NCOA1: variants seen among roughly 807,000 people sequenced by gnomAD.
NCOA1 encodes the protein nuclear receptor coactivator 1.
Under a neutral mutation model 150.9 loss-of-function variants are expected in NCOA1, and 35 were observed. That is an observed-to-expected ratio of 0.23 (90% CI 0.18 to 0.31). The LOEUF (loss-of-function observed/expected upper bound fraction) is 0.31. Among genes scored for constraint, NCOA1 ranks in the 10% least tolerant of loss-of-function variants. The probability of loss-of-function intolerance (pLI) is 1.00; values close to 1 mark genes in which losing one functional copy is unlikely to be tolerated. For missense variants in NCOA1, 1,491 were observed against 1,749.3 expected (o/e 0.85, Z 2.63); for synonymous variants, 590 against 630.0 (o/e 0.94, Z 0.95).
At chr2:24,613,049 AT>A (rs1026417783) in intron 3 of NCOA1, among the ~76,000 whole-genome samples, 1 of 149,286 alleles carries the variant, frequency 6.7e-6, no homozygotes, top group Non-Finnish European at 1.5e-5. Context: ...TGCAGGTAGG[AT>A]TTTTTTCTTT....
chr2:24,758,946 G>A lies in NCOA1; in HGVS notation c.4065+790G>A, dbSNP rs540551052. On this transcript the variant is annotated intron_variant, in intron 21 of 22. Transcript: ENST00000348332. ...GAGGTTGCAGTGAGCTGGTAATTGC[G>A]CCACTGCACTCCAGCCTGGGCAACA... 8.5e-5 allele frequency among the ~76,000 whole-genome samples: 13 copies of A among 152,054 alleles called. No individual in the cohort carries two copies. The South Asian group carries it at 1.0e-3, about 12-fold the overall frequency.
chr2:24,690,864 A>T (rs1672638569), intron 8 of NCOA1, among the ~76,000 whole-genome samples: 1 of 152,090 alleles, frequency 6.6e-6, no homozygotes, highest in Non-Finnish European at 1.5e-5. Flanking sequence ...TTTACATAAT[A>T]ATATTGATTA....
At chr2:24,732,904 C>A (rs1173218803) in intron 17 of NCOA1, among the ~76,000 whole-genome samples, 2 of 151,532 alleles carry the variant, frequency 1.3e-5, no homozygotes, top group Non-Finnish European at 2.9e-5. Context: ...CACCCCATCC[C>A]CCGCCAAAAA....
intron 12 of NCOA1, 55 bp downstream of exon 12, chr2:24,705,288 T>C (rs955226245): frequency 3.9e-6 from 6 of 1,549,150 alleles, no homozygotes; most frequent in Non-Finnish European, 5.3e-6. Flanking sequence ...ATATCTCTTA[T>C]TAGAGAAATT....
chr2:24,734,062 A>T (rs1663161742), intron 17 of NCOA1, among the ~76,000 whole-genome samples: 1 of 151,582 alleles, frequency 6.6e-6, no homozygotes. Context: ...GCGTGTTCCC[A>T]GCTACTCAGG....
intron 3 of NCOA1, among the ~76,000 whole-genome samples, chr2:24,626,559 G>A (rs1305548526): frequency 1.3e-5 from 2 of 152,164 alleles, no homozygotes; most frequent in African/African-American, 2.4e-5. Context: ...TATGGTTGCT[G>A]GTGATAGCAG....
At chr2:24,768,185 C>T in intron 22 of NCOA1, 36 bp from the exon 23 acceptor site, 3 of 1,613,150 alleles carry the variant, frequency 1.9e-6, no homozygotes, top group Non-Finnish European at 2.5e-6. Context: ...GGGGGCAGAC[C>T]CTTCTGTCTA....
At position 24,624,290 on chromosome 2, in the gene NCOA1, G is replaced by A. The variant is rs183854685; in HGVS notation, c.-174-19676G>A. ...CCTTGATAATTTTTAAAAGTATAAA[G>A]GGATCCTTAAACCAAAAGAATTTAA... On this transcript the variant is annotated intron_variant, in intron 3 of 22. Transcript: ENST00000348332. Among the ~76,000 whole-genome samples, 3 of 152,210 alleles carry A rather than the reference G, an allele frequency of 2.0e-5. No homozygotes were observed. The East Asian group carries it at 5.8e-4, about 29-fold the overall frequency.
At chr2:24,570,363 G>T (rs1666696289) in intron 2 of NCOA1, among the ~76,000 whole-genome samples, 1 of 152,056 alleles carries the variant, frequency 6.6e-6, no homozygotes, top group Admixed American at 6.6e-5. Flanking sequence ...GGCTCTGGTT[G>T]GCCAAAGAAG....
intron 14 of NCOA1, among the ~76,000 whole-genome samples, chr2:24,713,870 G>A (rs970825068): frequency 2.6e-5 from 4 of 152,194 alleles, no homozygotes; most frequent in Admixed American, 6.5e-5. Context: ...CAAAGTACCC[G>A]AGAAGAGAAG....
chr2:24,572,609 G>C (rs567413024), intron 2 of NCOA1, among the ~76,000 whole-genome samples: 1 of 152,250 alleles, frequency 6.6e-6, no homozygotes, highest in South Asian at 2.1e-4. Context: ...CTGAAGACCT[G>C]GGATAGCTAG....
At chr2:24,537,800 T>C (rs1273486657) in intron 1 of NCOA1, among the ~76,000 whole-genome samples, 2 of 151,272 alleles carry the variant, frequency 1.3e-5, no homozygotes, top group African/African-American at 4.9e-5. Context: ...ATCATGTTTC[T>C]ATCTATCTAT....
chr2:24,502,119 C>T (rs533392727), intron 1 of NCOA1, among the ~76,000 whole-genome samples: 32 of 152,266 alleles, frequency 2.1e-4, no homozygotes, highest in African/African-American at 7.0e-4. Context: ...TCCCCCTAAC[C>T]CCCAATTAAA....
chr2:24,638,556 G>T (rs1670044860), intron 3 of NCOA1, among the ~76,000 whole-genome samples: 1 of 152,062 alleles, frequency 6.6e-6, no homozygotes, highest in African/African-American at 2.4e-5. Flanking sequence ...TTCTTTTGGG[G>T]AACCTCCATA....
intron 17 of NCOA1, among the ~76,000 whole-genome samples, chr2:24,731,348 A>G (rs1448489334): frequency 6.6e-6 from 1 of 152,142 alleles, no homozygotes; most frequent in Non-Finnish European, 1.5e-5. Context: ...CTCATCTATA[A>G]AAAGAGTCTA....
intron 14 of NCOA1, among the ~76,000 whole-genome samples, chr2:24,720,563 G>GGT (rs1393921729): frequency 6.6e-6 from 1 of 152,128 alleles, no homozygotes; most frequent in Non-Finnish European, 1.5e-5. Context: ...AAGATACCAA[G>GGT]GTAGATATGG....
chr2:24,621,368 T>C (rs775716942), intron 3 of NCOA1, among the ~76,000 whole-genome samples: 2 of 150,624 alleles, frequency 1.3e-5, no homozygotes, highest in African/African-American at 4.9e-5. Context: ...CAGTGTCTAA[T>C]TGAACATTGT....
At chr2:24,562,009 A>G (rs150727009) in intron 1 of NCOA1, among the ~76,000 whole-genome samples, 158 of 152,322 alleles carry the variant, frequency 1.0e-3, no homozygotes, top group African/African-American at 3.7e-3. Flanking sequence ...CACTCTATAC[A>G]TTATATGAAA....
intron 3 of NCOA1, among the ~76,000 whole-genome samples, chr2:24,614,698 T>C (rs189963492): frequency 2.6e-5 from 4 of 152,262 alleles, no homozygotes; most frequent in Non-Finnish European, 4.4e-5. Context: ...GCAGGGCCTG[T>C]GGGTATGTTT....
Sources: gnomAD v4.1 joint callset for allele counts (sites outside exome capture counted in the v4.1 genomes callset) on GRCh38, gnomAD v4.1.1 for gene constraint, MANE v1.5 for transcripts, NCBI Gene and HGNC (gene_info 2026-07-23, HGNC 2026-07-21) for gene names.